The following SLC47A2 variants were observed in gnomAD, a reference collection of about 807,000 sequenced individuals.
The protein encoded by SLC47A2 is solute carrier family 47 member 2, also known as multidrug and toxin extrusion protein 2.
In SLC47A2, 52 loss-of-function variants were observed where a neutral mutation model predicts 67.7. That is an observed-to-expected ratio of 0.77 (90% CI 0.61 to 0.97). SLC47A2 has a LOEUF of 0.97. SLC47A2 is among the 50% of genes least tolerant of loss of function. The probability of loss-of-function intolerance (pLI) is 0.00; values close to 1 mark genes in which losing one functional copy is unlikely to be tolerated. For missense variants in SLC47A2, 676 were observed against 712.3 expected (o/e 0.95, Z 0.58); for synonymous variants, 278 against 292.9 (o/e 0.95, Z 0.52).
rs778466100 is a variant in SLC47A2, at chr17:19,713,956, G to C, written c.312C>G (p.Asn104Lys). ...GCAGGATCACGCCCACGTGCTTCTT[G>C]TTGGGGCTGCCGAAGCTCTGCAAAA... ...TLMSQSFGSP[N>K]KKHVGVILQR... is the part of the protein sequence containing the mutation. Residue 104 changes from asparagine (N) to lysine (K), a missense_variant, in exon 4 of 17, where the codon AAC becomes AAG. Transcript: ENST00000433844. 6.2e-7 allele frequency: 1 copy of C among 1,612,792 alleles called. No individual in the cohort carries two copies. The highest frequency in any genetic ancestry group is 8.5e-7 in the Non-Finnish European group (1 of 1,179,254).
At chr17:19,699,047 G>A (rs2085728538) in intron 13 of SLC47A2, among the ~76,000 whole-genome samples, 2 of 152,126 alleles carry the variant, frequency 1.3e-5, no homozygotes, top group Non-Finnish European at 2.9e-5. Context: ...GGAACCAATT[G>A]CCCAAGGATA....
intron 5 of SLC47A2, among the ~76,000 whole-genome samples, chr17:19,710,102 A>G (rs1254309473): frequency 1.3e-5 from 2 of 152,156 alleles, no homozygotes; most frequent in Non-Finnish European, 1.5e-5. Flanking sequence ...CCTTGCCCCA[A>G]ACATTCCCCC....
intron 13 of SLC47A2, among the ~76,000 whole-genome samples, chr17:19,688,866 C>CTTTT (rs561794495): frequency 7.2e-6 from 1 of 138,326 alleles, no homozygotes; most frequent in Non-Finnish European, 1.6e-5. Context: ...CTGGTGATAT[C>CTTTT]TTTTTTTTTT....
chr17:19,696,235 G>A (rs2085659198), intron 13 of SLC47A2, among the ~76,000 whole-genome samples: 1 of 148,684 alleles, frequency 6.7e-6, no homozygotes, highest in Non-Finnish European at 1.5e-5. Flanking sequence ...GGCAGATCAT[G>A]AGATCAGGAG....
chr17:19,688,613 A>G (rs2085476730), intron 13 of SLC47A2, among the ~76,000 whole-genome samples: 1 of 152,186 alleles, frequency 6.6e-6, no homozygotes, highest in African/African-American at 2.4e-5. Context: ...GTTTTTGGAG[A>G]TGGAGTCTCG....
At chr17:19,711,977 GA>G (rs2086113055) in intron 5 of SLC47A2, among the ~76,000 whole-genome samples, 1 of 152,130 alleles carries the variant, frequency 6.6e-6, no homozygotes, top group African/African-American at 2.4e-5. Flanking sequence ...GTCCTATAAA[GA>G]GACTAATGAC....
At chr17:19,700,331 A>T (rs1396244250) in intron 13 of SLC47A2, among the ~76,000 whole-genome samples, 1 of 152,258 alleles carries the variant, frequency 6.6e-6, no homozygotes, top group Non-Finnish European at 1.5e-5. Flanking sequence ...ACTAGCCAGG[A>T]GGAAAAATGA....
chr17:19,705,260 C>T, intron 10 of SLC47A2, 176 bp downstream of exon 10: 1 of 538,360 alleles, frequency 1.9e-6, no homozygotes, highest in Non-Finnish European at 3.2e-6. Context: ...GTTGTGGGCA[C>T]CTGTGTGTGA....
intron 13 of SLC47A2, among the ~76,000 whole-genome samples, chr17:19,682,326 T>G (rs1053695804): frequency 3.2e-5 from 4 of 123,778 alleles, no homozygotes; most frequent in Admixed American, 9.3e-5. Flanking sequence ...GAGCGAGACT[T>G]GGTCACACAC....
At position 19,713,963 on chromosome 17, in the gene SLC47A2, C is replaced by T. The variant is rs1176942603; in HGVS notation, c.305G>A (p.Ser102Asn). ...CDTLMSQSFG[S>N]PNKKHVGVIL... ...CACGCCCACGTGCTTCTTGTTGGGGCTGCCGAAGCTCTGCAAAACAGCCCG... is the reference window on the plus strand; with the variant it reads ...CACGCCCACGTGCTTCTTGTTGGGGTTGCCGAAGCTCTGCAAAACAGCCCG... The change falls in exon 4 of 17, where the codon AGC becomes AAC. Residue 102 changes from serine (S) to asparagine (N), a missense_variant. By Grantham distance (46) the Ser-to-Asn change is conservative. Transcript: ENST00000433844. The T allele has an allele frequency of 6.2e-7, 1 of 1,612,200 alleles. No individual in the cohort carries two copies. The highest frequency in any genetic ancestry group is 1.3e-5 in the African/African-American group (1 of 75,018).
upstream of SLC47A2, chr17:19,717,961 C>G (rs575931481): frequency 6.6e-6 from 1 of 152,382 alleles, no homozygotes; most frequent in Admixed American, 6.5e-5. Context: ...TTATCACCAT[C>G]GTGATTGTGA....
upstream of SLC47A2, chr17:19,716,867 G>T (rs187569335): frequency 2.3e-5 from 7 of 310,498 alleles, no homozygotes; most frequent in African/African-American, 1.5e-4. Flanking sequence ...GTCCAGGGCT[G>T]CCTGCAGTGG....
intron 2 of SLC47A2, 107 bp downstream of exon 2, chr17:19,715,009 T>A: frequency 1.5e-6 from 2 of 1,345,358 alleles, no homozygotes; most frequent in East Asian, 2.3e-5. Flanking sequence ...CCACGTGGGC[T>A]GTGTCTTCCC....
chr17:19,714,888 C>T (rs559017608), intron 2 of SLC47A2, 99 bp from the exon 3 acceptor site: 9 of 1,524,104 alleles, frequency 5.9e-6, no homozygotes, highest in South Asian at 1.1e-5. Context: ...TGCTGCCCAG[C>T]AGGCAGCGGT....
chr17:19,692,587 G>A (rs1300783885), intron 13 of SLC47A2, among the ~76,000 whole-genome samples: 1 of 152,136 alleles, frequency 6.6e-6, no homozygotes, highest in Admixed American at 6.5e-5. Flanking sequence ...TGACCTTACC[G>A]ATGAATTGTA....
intron 13 of SLC47A2, among the ~76,000 whole-genome samples, 191 bp from the exon 14 acceptor site, chr17:19,681,861 GTTACACAGAAGTAAC>G (rs2085323237): frequency 6.6e-6 from 1 of 152,140 alleles, no homozygotes; most frequent in South Asian, 2.1e-4. Flanking sequence ...ACTTGTCCAT[GTTACACAGAAGTAAC>G]TGTGTTTTGA....
chr17:19,700,135 C>G (rs1311614133), intron 13 of SLC47A2, among the ~76,000 whole-genome samples: 1 of 152,172 alleles, frequency 6.6e-6, no homozygotes, highest in Non-Finnish European at 1.5e-5. Flanking sequence ...ACAAAACAGT[C>G]TCCAGGAAAT....
chr17:19,705,102 G>A (rs1243831596), intron 10 of SLC47A2: 2 of 385,512 alleles, frequency 5.2e-6, no homozygotes, highest in Non-Finnish European at 9.3e-6. Context: ...GATTACACAC[G>A]TGAGCCACTG....
At chr17:19,714,083 G>A (rs1420817854) in intron 3 of SLC47A2, 110 bp from the exon 4 acceptor site, 9 of 1,422,044 alleles carry the variant, frequency 6.3e-6, no homozygotes, top group African/African-American at 2.9e-5. Flanking sequence ...CGGACCCGGC[G>A]GCCTCTGGTG....
Sources: allele counts gnomAD v4.1 joint callset (sites outside exome capture counted in the v4.1 genomes callset), GRCh38; gene constraint gnomAD v4.1.1; transcripts MANE v1.5; gene names NCBI Gene and HGNC (gene_info 2026-07-23, HGNC 2026-07-21).